KIF13B: variants seen among roughly 807,000 people sequenced by gnomAD.
KIF13B encodes kinesin family member 13B, also known as kinesin-like protein KIF13B.
KIF13B carries 127 observed loss-of-function variants against 222.0 expected under a neutral mutation model. The ratio of observed to expected loss-of-function variants is 0.57; its 90% CI spans 0.50 to 0.66. KIF13B has a LOEUF of 0.66. Among genes scored for constraint, KIF13B ranks in the 30% least tolerant of loss-of-function variants. The pLI is 0.00. For synonymous variants in KIF13B, 976 were observed against 919.0 expected (o/e 1.06, Z -1.12); for missense variants, 2,173 against 2,379.0 (o/e 0.91, Z 1.80).
chr8:29,148,831 A>G, intron 15 of KIF13B, 64 bp from the exon 16 acceptor site: 1 of 1,339,986 alleles, frequency 7.5e-7, no homozygotes, highest in South Asian at 1.5e-5. Flanking sequence ...GTCATTCATT[A>G]AGTACTGGTA....
intron 26 of KIF13B, 121 bp from the exon 27 acceptor site, chr8:29,124,244 C>A (rs1442357243): frequency 2.7e-5 from 16 of 589,030 alleles, no homozygotes; most frequent in Non-Finnish European, 4.4e-5. Flanking sequence ...ACAATAATTT[C>A]TTTATTGCTA....
intron 1 of KIF13B, among the ~76,000 whole-genome samples, 191 bp from the exon 2 acceptor site, chr8:29,245,630 G>A (rs1815987784): frequency 6.6e-6 from 1 of 152,144 alleles, no homozygotes; most frequent in Non-Finnish European, 1.5e-5. Context: ...ACACTTAATG[G>A]TGAAGGACTG....
intron 37 of KIF13B, among the ~76,000 whole-genome samples, chr8:29,086,837 A>T (rs759551900): frequency 2.0e-5 from 3 of 152,222 alleles, no homozygotes; most frequent in Non-Finnish European, 4.4e-5. Context: ...TAAACATTTA[A>T]ATATCTGATA....
chr8:29,193,918 C>T (rs928280994), intron 3 of KIF13B, among the ~76,000 whole-genome samples: 11 of 151,982 alleles, frequency 7.2e-5, no homozygotes, highest in South Asian at 2.1e-4. Flanking sequence ...CCCAGGTTCA[C>T]GCCATTCTCC....
chr8:29,246,737 A>G (rs1326142926), intron 1 of KIF13B, among the ~76,000 whole-genome samples: 2 of 152,228 alleles, frequency 1.3e-5, no homozygotes, highest in Non-Finnish European at 2.9e-5. Context: ...TGCAGTACTT[A>G]CATAAGGAAA....
At chr8:29,119,676 T>C (rs1035471614) in intron 29 of KIF13B, among the ~76,000 whole-genome samples, 1 of 152,110 alleles carries the variant, frequency 6.6e-6, no homozygotes, top group African/African-American at 2.4e-5. Flanking sequence ...CTCACCTACG[T>C]AGGAAGCCTA....
chr8:29,200,263 T>C (rs541661643), intron 2 of KIF13B, among the ~76,000 whole-genome samples: 4 of 152,262 alleles, frequency 2.6e-5, no homozygotes, highest in Middle Eastern at 3.4e-3. Context: ...AACAACACCT[T>C]GTCAAAGTGT....
chr8:29,083,232 C>T (rs1473971253), intron 37 of KIF13B, among the ~76,000 whole-genome samples: 3 of 152,106 alleles, frequency 2.0e-5, no homozygotes, highest in African/African-American at 7.2e-5. Flanking sequence ...AAGAATATTT[C>T]ATAACATAAA....
Position 29,167,558 on chromosome 8 carries a change from C to A in KIF13B, c.973G>T (p.Ala325Ser), listed in dbSNP as rs761608308. Residue 325 changes from alanine (A) to serine (S), a missense_variant, in exon 11 of 40, where the codon GCC becomes TCC. Physicochemically the swap from Ala to Ser is moderately conservative, Grantham distance 99. Transcript: ENST00000524189. ...KDSLGGNSKTAMVATVSPAAD... is the reference protein window; with the variant it reads ...KDSLGGNSKTSMVATVSPAAD... ...GCAGGACTCACAGTAGCCACCATGGCGGTCTTGCTGTTACCCCCGAGGCTG... is the reference window on the plus strand; with the variant it reads ...GCAGGACTCACAGTAGCCACCATGGAGGTCTTGCTGTTACCCCCGAGGCTG... 2 of 1,613,938 alleles carry A rather than the reference C, an allele frequency of 1.2e-6. No homozygotes were observed. The highest frequency in any genetic ancestry group is 8.5e-7 in the Non-Finnish European group (1 of 1,179,830).
At chr8:29,103,278 C>CA (rs902753183) in intron 35 of KIF13B, among the ~76,000 whole-genome samples, 26 of 146,748 alleles carry the variant, frequency 1.8e-4, no homozygotes, top group Non-Finnish European at 3.9e-4. Flanking sequence ...ACAACAATAA[C>CA]AAAAAAAATG....
intron 35 of KIF13B, among the ~76,000 whole-genome samples, chr8:29,106,459 C>T (rs1354167225): frequency 6.6e-6 from 1 of 151,834 alleles, no homozygotes; most frequent in Non-Finnish European, 1.5e-5. Context: ...TGGTGAAACC[C>T]CGTCTCTACT....
At chr8:29,164,722 A>T (rs571409439) in intron 12 of KIF13B, among the ~76,000 whole-genome samples, 144 of 152,314 alleles carry the variant, frequency 9.5e-4, no homozygotes, top group African/African-American at 3.2e-3. Flanking sequence ...TGTATTTCTA[A>T]AACAGTTGGA....
At chr8:29,166,993 C>T (rs1586870235) in intron 11 of KIF13B, among the ~76,000 whole-genome samples, 1 of 152,260 alleles carries the variant, frequency 6.6e-6, no homozygotes, top group South Asian at 2.1e-4. Context: ...TACCAGGTAA[C>T]AAATGAGATT....
intron 2 of KIF13B, among the ~76,000 whole-genome samples, chr8:29,243,851 C>G (rs981482507): frequency 1.3e-5 from 2 of 152,064 alleles, no homozygotes; most frequent in Non-Finnish European, 2.9e-5. Flanking sequence ...TGCCCATGTA[C>G]AGAACACTTT....
intron 24 of KIF13B, among the ~76,000 whole-genome samples, chr8:29,129,596 TG>T (rs1186881902): frequency 1.3e-5 from 2 of 152,022 alleles, no homozygotes; most frequent in Admixed American, 1.3e-4. Flanking sequence ...TTTTAAAGTA[TG>T]GAAACTCATA....
intron 18 of KIF13B, chr8:29,145,740 T>C (rs1811030893): frequency 7.2e-6 from 1 of 138,324 alleles, no homozygotes; most frequent in Non-Finnish European, 1.5e-5. Context: ...TTCATCTGAA[T>C]AGAAAATTCT....
rs558778910 is a variant in KIF13B, at chr8:29,206,059, C to G, written c.150-9860G>C. Among the ~76,000 whole-genome samples the G allele has an allele frequency of 1.4e-4, 21 of 152,112 alleles. 1 individual carries two copies. The highest frequency in any genetic ancestry group is 5.1e-4 in the African/African-American group (21 of 41,484). ...TGAGCTATGATTGTGCCACTGAACT[C>G]TAGTCGGGATAACAGAGCAAGACCC... is the stretch of plus-strand genomic sequence containing the variant. On this transcript the variant is annotated intron_variant, in intron 2 of 39. Coordinates refer to ENST00000524189, the MANE Select transcript of KIF13B (RefSeq NM_015254.4).
chr8:29,080,419 G>A (rs1208793248), intron 37 of KIF13B, among the ~76,000 whole-genome samples: 1 of 151,782 alleles, frequency 6.6e-6, no homozygotes, highest in African/African-American at 2.4e-5. Context: ...GTCCTGACCA[G>A]GGGCCTGGAA....
At chr8:29,091,172 AC>A (rs1298836227) in intron 37 of KIF13B, among the ~76,000 whole-genome samples, 1 of 152,178 alleles carries the variant, frequency 6.6e-6, no homozygotes, top group Non-Finnish European at 1.5e-5. Context: ...GTAACCTCTA[AC>A]CTGGGCATTA....
Sources: allele counts gnomAD v4.1 joint callset (sites outside exome capture counted in the v4.1 genomes callset), GRCh38; gene constraint gnomAD v4.1.1; transcripts MANE v1.5; gene names NCBI Gene and HGNC (gene_info 2026-07-23, HGNC 2026-07-21).